Variants in NPM2 observed in about 807,000 individuals in gnomAD.
NPM2 encodes the protein nucleophosmin/nucleoplasmin 2.
NPM2 carries 25 observed loss-of-function variants against 32.0 expected under a neutral mutation model. That is an observed-to-expected ratio of 0.78 (90% CI 0.57 to 1.09). The LOEUF (loss-of-function observed/expected upper bound fraction) is 1.09, where lower values mean the gene tolerates loss of function less well. Ranked by LOEUF, NPM2 falls within the 50% of genes least tolerant of loss-of-function variation. The probability of loss-of-function intolerance (pLI) is 0.00; values close to 1 mark genes in which losing one functional copy is unlikely to be tolerated. For missense variants in NPM2, 282 were observed against 259.9 expected (o/e 1.08, Z -0.58); for synonymous variants, 111 against 94.2 (o/e 1.18, Z -1.04).
Position 22,036,760 on chromosome 8 carries a change from G to C in NPM2, c.*78G>C. 7.1e-7 allele frequency: 1 copy of C among 1,414,248 alleles called. No homozygotes were observed. Among genetic ancestry groups the C allele is most frequent in the Non-Finnish European group, 9.5e-7 (1 of 1,055,082 alleles). 87.6% of individuals were successfully genotyped at this position (1,414,248 alleles called of 1,614,324 possible). A position where few individuals can be genotyped will look rare whatever the true frequency, so the allele number is the denominator to read the frequency against. ...TGCAGGCACAGGGTGCCCCTGTCCA[G>C]CCCCTCCACCTGTGTCTGAATGCAA... is the stretch of plus-strand genomic sequence containing the variant. On this transcript the variant is annotated 3_prime_UTR_variant, in exon 10 of 10. Coordinates refer to ENST00000518119, the MANE Select transcript of NPM2 (RefSeq NM_001286680.2).
chr8:22,025,913 G>C (rs1800234762), intron 5 of NPM2, 141 bp downstream of exon 5: 7 of 1,264,718 alleles, frequency 5.5e-6, no homozygotes. Flanking sequence ...AGAAAGCCGG[G>C]GTCCAGCCCA....
chr8:22,034,665 TC>T, intron 8 of NPM2, 121 bp downstream of exon 8: 3 of 779,960 alleles, frequency 3.8e-6, no homozygotes, highest in Non-Finnish European at 6.4e-6. Flanking sequence ...CTACCTGCAC[TC>T]GCAGGCACAT....
At chr8:22,035,915 A>G (rs1428260543) in intron 8 of NPM2, among the ~76,000 whole-genome samples, 4 of 151,478 alleles carry the variant, frequency 2.6e-5, no homozygotes, top group Non-Finnish European at 4.4e-5. Flanking sequence ...CCTGGGCAAC[A>G]GAGCAAGACT....
intron 5 of NPM2, among the ~76,000 whole-genome samples, chr8:22,027,472 T>C (rs904451126): frequency 6.6e-6 from 1 of 152,220 alleles, no homozygotes; most frequent in Non-Finnish European, 1.5e-5. Context: ...TTGATAGATA[T>C]CTAATAAATA....
Position 22,036,762 on chromosome 8 carries a change from C to G in NPM2, c.*80C>G. The G allele has an allele frequency of 3.6e-6, 5 of 1,395,350 alleles. No homozygotes were observed. The highest frequency in any genetic ancestry group is 4.8e-6 in the Non-Finnish European group (5 of 1,040,042). 86.4% of individuals were successfully genotyped at this position (1,395,350 alleles called of 1,614,324 possible). On this transcript the variant is annotated 3_prime_UTR_variant, in exon 10 of 10. Coordinates refer to ENST00000518119, the MANE Select transcript of NPM2 (RefSeq NM_001286680.2). ...CAGGCACAGGGTGCCCCTGTCCAGC[C>G]CCTCCACCTGTGTCTGAATGCAACA...
chr8:22,036,610 A>C (rs1585526098), intron 9 of NPM2, 28 bp from the exon 10 acceptor site: 1 of 1,553,218 alleles, frequency 6.4e-7, no homozygotes, highest in African/African-American at 1.4e-5. Flanking sequence ...AGGGAACGGG[A>C]CCCTGGAGCC....
At chr8:22,033,987 A>T in intron 6 of NPM2, 122 bp from the exon 7 acceptor site, 1 of 1,438,606 alleles carries the variant, frequency 7.0e-7, no homozygotes, top group Non-Finnish European at 9.2e-7. Flanking sequence ...AACCACTGTC[A>T]ACTCCAGGCT....
At chr8:22,025,016 C>A (rs1171836604) in intron 2 of NPM2, 186 bp downstream of exon 2, 5 of 544,660 alleles carry the variant, frequency 9.2e-6, no homozygotes, top group African/African-American at 2.0e-5. Flanking sequence ...TGTACGCGCC[C>A]GGTCGAGCCC....
chr8:22,027,806 C>T (rs1212763626), intron 5 of NPM2, among the ~76,000 whole-genome samples: 1 of 152,092 alleles, frequency 6.6e-6, no homozygotes, highest in Admixed American at 6.5e-5. Context: ...GGGTTTTTGC[C>T]ATGTTGGTCA....
At position 22,033,124 on chromosome 8, in the gene NPM2, C is replaced by T. The variant is rs1206806903; in HGVS notation, c.271-6C>T. 1.2e-6 allele frequency: 2 copies of T among 1,612,938 alleles called. No individual in the cohort carries two copies. The highest frequency in any genetic ancestry group is 2.2e-5 in the East Asian group (1 of 44,858). Reference sequence around the variant, plus strand: ...GCCCTGTCTTCTCTGCTTCCTCCCCCTGCAGGTCTCCATGGTAGGAGTGCA... The same window carrying T: ...GCCCTGTCTTCTCTGCTTCCTCCCCTTGCAGGTCTCCATGGTAGGAGTGCA... On this transcript the variant is annotated splice_polypyrimidine_tract_variant and splice_region_variant and intron_variant, in intron 5 of 9. Transcript: ENST00000518119.
intron 6 of NPM2, 131 bp from the exon 7 acceptor site, chr8:22,033,978 A>T: frequency 2.9e-6 from 4 of 1,388,546 alleles, no homozygotes; most frequent in Non-Finnish European, 3.8e-6. Flanking sequence ...CAGGCAGGTA[A>T]CCACTGTCAA....
chr8:22,027,639 T>C (rs968052845), intron 5 of NPM2, among the ~76,000 whole-genome samples: 3 of 150,748 alleles, frequency 2.0e-5, no homozygotes, highest in Non-Finnish European at 4.4e-5. Context: ...GGAGTTTCAC[T>C]CTTATCACCC....
chr8:22,034,077 G>A, intron 6 of NPM2, 32 bp from the exon 7 acceptor site: 1 of 1,558,360 alleles, frequency 6.4e-7, no homozygotes, highest in East Asian at 2.2e-5. Flanking sequence ...CTCTGAAGCT[G>A]TGCCCCTGCA....
At chr8:22,028,783 G>C (rs1414887069) in intron 5 of NPM2, among the ~76,000 whole-genome samples, 1 of 152,152 alleles carries the variant, frequency 6.6e-6, no homozygotes, top group Non-Finnish European at 1.5e-5. Context: ...TCTGTTTCAG[G>C]TGTGTTTTAT....
chr8:22,025,776 C>T lies in NPM2; in HGVS notation c.270+4C>T, dbSNP rs572350522. ...CCAGGCCTCAGTCCTCCCCATGGTG[C>T]GCATTTCCCTGCTGGCTGGAAGACT... On this transcript the variant is annotated splice_donor_region_variant and intron_variant, in intron 5 of 9. Transcript: ENST00000518119. 73 of 1,613,946 alleles carry T rather than the reference C, an allele frequency of 4.5e-5. 1 individual carries two copies. In the East Asian group the frequency reaches 1.0e-3, roughly 23 times the overall value.
Position 22,024,610 on chromosome 8 carries a change from T to C in NPM2, c.-154T>C, listed in dbSNP as rs1053093666. On this transcript the variant is annotated 5_prime_UTR_variant, in exon 1 of 10. Coordinates refer to ENST00000518119, the MANE Select transcript of NPM2 (RefSeq NM_001286680.2). Reference sequence around the variant, plus strand: ...GAGTGGGGCGCGGCAATGCGCCCCTTAACAGCCCTCCAGGTGATTCTGCCG... The same window carrying C: ...GAGTGGGGCGCGGCAATGCGCCCCTCAACAGCCCTCCAGGTGATTCTGCCG... 1 of 152,306 alleles carries C rather than the reference T, an allele frequency of 6.6e-6. No individual in the cohort carries two copies. Among genetic ancestry groups the C allele is most frequent in the African/African-American group, 2.4e-5 (1 of 41,420 alleles). 9.4% of individuals were successfully genotyped at this position (152,306 alleles called of 1,614,324 possible).
intron 5 of NPM2, among the ~76,000 whole-genome samples, chr8:22,027,221 G>A (rs1451907992): frequency 6.6e-6 from 1 of 152,150 alleles, no homozygotes; most frequent in Non-Finnish European, 1.5e-5. Flanking sequence ...TGAGGGTGGA[G>A]GGTTCTCTCC....
At chr8:22,024,700 G>A (rs1238997806) in intron 1 of NPM2, 24 bp from the exon 2 acceptor site, 1 of 152,520 alleles carries the variant, frequency 6.6e-6, no homozygotes, top group Non-Finnish European at 1.5e-5. Flanking sequence ...CGACTAATTG[G>A]ACACCTGCCC....
chr8:22,026,861 T>G lies in NPM2; in HGVS notation c.270+1089T>G, dbSNP rs573539106. ...CTGACATCCTTATTTCCTTCTTGTT[T>G]TTTAAAAAAGAAGCATTTGGTAAGT... On this transcript the variant is annotated intron_variant, in intron 5 of 9. Coordinates refer to ENST00000518119, the MANE Select transcript of NPM2 (RefSeq NM_001286680.2). Among the ~76,000 whole-genome samples, 9 of 152,334 alleles carry G rather than the reference T, an allele frequency of 5.9e-5. No individual in the cohort carries two copies. The South Asian group carries it at 1.9e-3, about 32-fold the overall frequency.
Sources: allele counts gnomAD v4.1 joint callset (sites outside exome capture counted in the v4.1 genomes callset), GRCh38; gene constraint gnomAD v4.1.1; transcripts MANE v1.5; gene names NCBI Gene and HGNC (gene_info 2026-07-23, HGNC 2026-07-21).